Variants in CACNA1D observed in about 807,000 individuals in gnomAD.
The protein encoded by CACNA1D is calcium voltage-gated channel subunit alpha1 D.
CACNA1D carries 55 observed loss-of-function variants against 257.1 expected under a neutral mutation model. That is an observed-to-expected ratio of 0.21 (90% CI 0.17 to 0.27). The LOEUF is 0.27. CACNA1D is among the 10% of genes least tolerant of loss of function. The pLI is 1.00. For synonymous variants in CACNA1D, 980 were observed against 1,014.9 expected (o/e 0.97, Z 0.65); for missense variants, 1,876 against 2,784.0 (o/e 0.67, Z 7.34).
Position 53,794,320 on chromosome 3 carries a change from G to A in CACNA1D, c.4924-5929G>A, listed in dbSNP as rs539643716. Among the ~76,000 whole-genome samples, 24 of 152,332 alleles carry A rather than the reference G, an allele frequency of 1.6e-4. No homozygotes were observed. In the South Asian group the frequency reaches 4.6e-3, roughly 29 times the overall value. ...GCTAAGACTTACTAACAGTTCTAGGGTGGGTAGAAACCCAGGTGAGTTCAT... is the reference window on the plus strand; with the variant it reads ...GCTAAGACTTACTAACAGTTCTAGGATGGGTAGAAACCCAGGTGAGTTCAT... On this transcript the variant is annotated intron_variant, in intron 40 of 47. Transcript: ENST00000350061.
chr3:53,585,581 T>C (rs1325569976), intron 3 of CACNA1D, among the ~76,000 whole-genome samples: 1 of 152,060 alleles, frequency 6.6e-6, no homozygotes, highest in African/African-American at 2.4e-5. Context: ...GTCACATGAA[T>C]TGAACACCTG....
At chr3:53,629,224 C>A (rs1018263607) in intron 3 of CACNA1D, among the ~76,000 whole-genome samples, 3 of 152,208 alleles carry the variant, frequency 2.0e-5, no homozygotes, top group African/African-American at 7.2e-5. Context: ...GTGAAAAGAA[C>A]AAGTTTCGAG....
At chr3:53,719,855 A>G in intron 11 of CACNA1D, 74 bp downstream of exon 11, 1 of 1,328,322 alleles carries the variant, frequency 7.5e-7, no homozygotes, top group Non-Finnish European at 1.1e-6. Flanking sequence ...AATTTTACGT[A>G]GTATTGCTCT....
At chr3:53,657,706 A>G (rs1430430513) in intron 4 of CACNA1D, among the ~76,000 whole-genome samples, 1 of 152,236 alleles carries the variant, frequency 6.6e-6, no homozygotes, top group South Asian at 2.1e-4. Flanking sequence ...AGGAAGAATT[A>G]TGATGTCTTC....
chr3:53,763,229 C>G (rs2095313925), intron 30 of CACNA1D, among the ~76,000 whole-genome samples: 1 of 152,210 alleles, frequency 6.6e-6, no homozygotes, highest in South Asian at 2.1e-4. Context: ...CGAGTGCAAA[C>G]CAGGGAGAGG....
rs76434746 is a variant in CACNA1D at position 53,532,144 on chromosome 3, A to G, written c.483+30424A>G. Reference sequence around the variant, plus strand: ...TTGTCGCAAAGTTATGTTTCATCCTATTTACCAAGTTGTATTTACAGAAGA... The same window carrying G: ...TTGTCGCAAAGTTATGTTTCATCCTGTTTACCAAGTTGTATTTACAGAAGA... On this transcript the variant is annotated intron_variant, in intron 3 of 47. Transcript: ENST00000350061. 1.0e-3 allele frequency among the ~76,000 whole-genome samples: 152 copies of G among 152,248 alleles called. 3 individuals are homozygous for G. The East Asian group carries it at 0.027, about 27-fold the overall frequency.
intron 9 of CACNA1D, among the ~76,000 whole-genome samples, chr3:53,708,817 G>C (rs928715491): frequency 2.0e-5 from 3 of 152,086 alleles, no homozygotes; most frequent in African/African-American, 4.8e-5. Flanking sequence ...GAAGTTTGGG[G>C]CCTCTACTTC....
rs548014277 is a variant in CACNA1D, at chr3:53,808,777, G to A, written c.5871+7G>A. On this transcript the variant is annotated splice_region_variant and intron_variant, in intron 46 of 47. Coordinates refer to ENST00000350061, the MANE Select transcript of CACNA1D (RefSeq NM_001128840.3). Reference sequence around the variant, plus strand: ...GCATCTAATGCAGCAACAGGTGAGCGGCCCACCTGGCCTTGCCCCCACACC... The same window carrying A: ...GCATCTAATGCAGCAACAGGTGAGCAGCCCACCTGGCCTTGCCCCCACACC... 16 of 1,604,812 alleles carry A rather than the reference G, an allele frequency of 1.0e-5. No homozygotes were observed. Among genetic ancestry groups the A allele is most frequent in the Admixed American group, 5.0e-5 (3 of 60,020 alleles).
In CACNA1D at chr3:53,811,387, T is replaced by A; in HGVS notation, c.6467T>A (p.Ile2156Lys). 6.3e-7 allele frequency: 1 copy of A among 1,575,328 alleles called. No homozygotes were observed. The change falls in exon 48 of 48, where the codon ATA (isoleucine) becomes AAA (lysine). Residue 2156 changes from isoleucine to lysine, a missense_variant. By Grantham distance (102) the Ile-to-Lys change is moderately radical. This residue lies in a region of CACNA1D where 491 missense variants were observed against 554.3 expected (regional missense o/e 0.89). Transcript: ENST00000350061. This position sits in a 1 kb window ranked among gnomAD's most constrained non-coding sequence, Gnocchi z 4.2. ...GAGGAGGACCTGGCGGATGAAATGATATGCATCACCACCTTGTAGCCCCCA... is the reference window on the plus strand; with the variant it reads ...GAGGAGGACCTGGCGGATGAAATGAAATGCATCACCACCTTGTAGCCCCCA... Reference protein sequence around the residue: ...RDEEDLADEMICITTL With the variant: ...RDEEDLADEMKCITTL
At chr3:53,661,053 G>T (rs964747226) in intron 5 of CACNA1D, among the ~76,000 whole-genome samples, 2 of 152,232 alleles carry the variant, frequency 1.3e-5, no homozygotes, top group African/African-American at 4.8e-5. Flanking sequence ...CTGGCCAACA[G>T]CTGCAGCCTC....
At chr3:53,608,802 A>G (rs551989007) in intron 3 of CACNA1D, among the ~76,000 whole-genome samples, 3 of 152,344 alleles carry the variant, frequency 2.0e-5, no homozygotes, top group Admixed American at 6.5e-5. Context: ...TGCTAAAACC[A>G]CCTTGCTTTC....
chr3:53,606,136 A>G (rs182391572), intron 3 of CACNA1D, among the ~76,000 whole-genome samples: 2 of 152,366 alleles, frequency 1.3e-5, no homozygotes, highest in African/African-American at 4.8e-5. Flanking sequence ...AAGTGCTGAA[A>G]TCAGCTTTGC....
intron 3 of CACNA1D, among the ~76,000 whole-genome samples, chr3:53,614,994 G>A (rs1240865401): frequency 6.6e-6 from 1 of 152,182 alleles, no homozygotes; most frequent in Non-Finnish European, 1.5e-5. Context: ...AGATCAAAAT[G>A]GGAAGGAGAG....
intron 45 of CACNA1D, chr3:53,807,775 G>A (rs2095574644): frequency 6.6e-6 from 1 of 152,274 alleles, no homozygotes; most frequent in Non-Finnish European, 1.5e-5. Context: ...GTGAGCCTCT[G>A]TTGGAAGAGC....
intron 7 of CACNA1D, among the ~76,000 whole-genome samples, chr3:53,667,098 A>C (rs1025036374): frequency 2.6e-5 from 4 of 152,056 alleles, no homozygotes; most frequent in Admixed American, 1.3e-4. Context: ...CCAGCACAAA[A>C]CCTTAGCTGT....
rs371203266 is a variant in CACNA1D, at chr3:53,776,944, G to A, written c.4575G>A (p.Arg1525=). The A allele has an allele frequency of 1.5e-5, 25 of 1,613,528 alleles. No homozygotes were observed. The highest frequency in any genetic ancestry group is 2.1e-5 in the Non-Finnish European group (25 of 1,179,436). Reference sequence around the variant, plus strand: ...GGTTTGGGAAGTTATGTCCACACAGGGTAGCGTGCAAGGTGAGTGTCCTGT... The same window carrying A: ...GGTTTGGGAAGTTATGTCCACACAGAGTAGCGTGCAAGGTGAGTGTCCTGT... ...PLGFGKLCPH[R]VACKRLVAMN... Residue 1525 remains arginine (R), a synonymous_variant, in exon 37 of 48, where the codon AGG becomes AGA. Coordinates refer to ENST00000350061, the MANE Select transcript of CACNA1D (RefSeq NM_001128840.3).
At chr3:53,684,102 G>A (rs530374273) in intron 8 of CACNA1D, among the ~76,000 whole-genome samples, 2 of 152,290 alleles carry the variant, frequency 1.3e-5, no homozygotes, top group African/African-American at 4.8e-5. Context: ...TGCAGATATA[G>A]TGCAAGTTGT....
intron 43 of CACNA1D, 26 bp downstream of exon 43, chr3:53,802,199 G>A (rs1396443202): frequency 6.4e-7 from 1 of 1,563,920 alleles, no homozygotes; most frequent in African/African-American, 1.4e-5. Context: ...CTGTTTTTGT[G>A]TTAAATACTG....
chr3:53,704,110 G>A (rs1247354815), intron 9 of CACNA1D, among the ~76,000 whole-genome samples: 1 of 152,128 alleles, frequency 6.6e-6, no homozygotes, highest in Non-Finnish European at 1.5e-5. Flanking sequence ...TGAAGGTCGG[G>A]GTGAGCTGCC....
Sources: allele counts gnomAD v4.1 joint callset (sites outside exome capture counted in the v4.1 genomes callset), GRCh38; gene constraint gnomAD v4.1.1; regional missense constraint gnomAD v4.1.1; non-coding constraint Gnocchi (gnomAD v3.1); transcripts MANE v1.5; gene names NCBI Gene and HGNC (gene_info 2026-07-23, HGNC 2026-07-21).